Variants in ZNF804A observed in about 807,000 individuals in gnomAD.
ZNF804A encodes zinc finger protein 804A.
Under a neutral mutation model 16.5 loss-of-function variants are expected in ZNF804A, and 2 were observed. That is an observed-to-expected ratio of 0.12 (90% CI 0.05 to 0.38). ZNF804A has a LOEUF of 0.38. ZNF804A is among the 10% of genes least tolerant of loss of function. ZNF804A has a pLI of 0.99. For synonymous variants in ZNF804A, 534 were observed against 489.6 expected (o/e 1.09, Z -1.20); for missense variants, 1,473 against 1,390.7 (o/e 1.06, Z -0.94).
chr2:184,808,419 G>A (rs1694843689), intron 1 of ZNF804A, among the ~76,000 whole-genome samples: 1 of 151,568 alleles, frequency 6.6e-6, no homozygotes, highest in Non-Finnish European at 1.5e-5. Flanking sequence ...CAGAAGTGAT[G>A]TAAAATAATT....
intron 2 of ZNF804A, among the ~76,000 whole-genome samples, chr2:184,903,524 T>C (rs1558997957): frequency 6.6e-6 from 1 of 152,260 alleles, no homozygotes; most frequent in South Asian, 2.1e-4. Context: ...CACTCTATTA[T>C]GGTTGCACAG....
chr2:184,685,807 G>A (rs559717485), intron 1 of ZNF804A, among the ~76,000 whole-genome samples: 1 of 152,154 alleles, frequency 6.6e-6, no homozygotes, highest in Non-Finnish European at 1.5e-5. Context: ...GCTTAAAGGT[G>A]GTTTCACCAG....
chr2:184,716,188 A>C (rs922629), intron 1 of ZNF804A, among the ~76,000 whole-genome samples: 149,498 of 152,228 alleles, frequency 0.98, 73,457 homozygotes, highest in Non-Finnish European at 1. Context: ...GAATCATAAA[A>C]TTTGAGGAAT....
At chr2:184,728,321 T>C (rs1693450565) in intron 1 of ZNF804A, among the ~76,000 whole-genome samples, 1 of 151,886 alleles carries the variant, frequency 6.6e-6, no homozygotes, top group Admixed American at 6.6e-5. Flanking sequence ...TATGGGATGA[T>C]ACACAAAAAT....
At chr2:184,894,233 C>T (rs1163848493) in intron 2 of ZNF804A, among the ~76,000 whole-genome samples, 1 of 152,046 alleles carries the variant, frequency 6.6e-6, no homozygotes, top group Non-Finnish European at 1.5e-5. Flanking sequence ...AAGCTTTACT[C>T]GGTGAAGGGG....
chr2:184,731,086 A>G (rs2105747425), intron 1 of ZNF804A, among the ~76,000 whole-genome samples: 2 of 151,540 alleles, frequency 1.3e-5, no homozygotes, highest in South Asian at 4.2e-4. Flanking sequence ...CCCTGTCTCT[A>G]CTAAAAGTAC....
intron 2 of ZNF804A, among the ~76,000 whole-genome samples, chr2:184,894,390 T>C (rs1685033713): frequency 6.6e-6 from 1 of 152,140 alleles, no homozygotes; most frequent in Admixed American, 6.5e-5. Flanking sequence ...CTTGAATACA[T>C]ATATTTTAAT....
chr2:184,722,690 A>G (rs1264709662), intron 1 of ZNF804A, among the ~76,000 whole-genome samples: 2 of 152,024 alleles, frequency 1.3e-5, no homozygotes, highest in Non-Finnish European at 2.9e-5. Flanking sequence ...TGGTTTGTAT[A>G]CCTGTAACTT....
At chr2:184,700,340 T>C (rs1417783345) in intron 1 of ZNF804A, among the ~76,000 whole-genome samples, 1 of 152,068 alleles carries the variant, frequency 6.6e-6, no homozygotes, top group Non-Finnish European at 1.5e-5. Flanking sequence ...CCATACTGTT[T>C]ACTGAAAAAT....
At chr2:184,801,515 G>T (rs1036923834) in intron 1 of ZNF804A, among the ~76,000 whole-genome samples, 2 of 151,962 alleles carry the variant, frequency 1.3e-5, no homozygotes, top group African/African-American at 2.4e-5. Flanking sequence ...ATTTCATTTG[G>T]TAAGTGTCTA....
Position 184,600,586 on chromosome 2 carries a change from C to T in ZNF804A, c.111+1516C>T, listed in dbSNP as rs187513423. Among the ~76,000 whole-genome samples, 15 of 152,252 alleles carry T rather than the reference C, an allele frequency of 9.9e-5. No individual in the cohort carries two copies. In the East Asian group the frequency reaches 2.9e-3, roughly 29 times the overall value. On this transcript the variant is annotated intron_variant, in intron 1 of 3. Transcript: ENST00000302277. Reference sequence around the variant, plus strand: ...AAACTTTCAGTCTGAAGAAAGTACACACTGTTTTTTCAATTAAATTTAACT... The same window carrying T: ...AAACTTTCAGTCTGAAGAAAGTACATACTGTTTTTTCAATTAAATTTAACT...
At chr2:184,782,478 T>C (rs1416325467) in intron 1 of ZNF804A, among the ~76,000 whole-genome samples, 4 of 151,382 alleles carry the variant, frequency 2.6e-5, no homozygotes, top group African/African-American at 9.7e-5. Context: ...ATGAAAAGAC[T>C]AGACTAGCCT....
At chr2:184,766,882 C>T (rs1166580850) in intron 1 of ZNF804A, among the ~76,000 whole-genome samples, 1 of 151,916 alleles carries the variant, frequency 6.6e-6, no homozygotes, top group Non-Finnish European at 1.5e-5. Context: ...GTACTGCCTT[C>T]AGAGGTAGGG....
chr2:184,662,117 T>C (rs1460733414), intron 1 of ZNF804A, among the ~76,000 whole-genome samples: 1 of 152,214 alleles, frequency 6.6e-6, no homozygotes, highest in African/African-American at 2.4e-5. Context: ...TGTTAAGTAC[T>C]CTTTTTAAAT....
intron 1 of ZNF804A, among the ~76,000 whole-genome samples, chr2:184,772,899 TACATAC>T (rs1482363156): frequency 3.1e-5 from 1 of 32,508 alleles, no homozygotes; most frequent in East Asian, 9.2e-4. Context: ...TACTTTAAAA[TACATAC>T]ACACACACAC....
At chr2:184,932,002 A>C (rs1055785509) in intron 2 of ZNF804A, among the ~76,000 whole-genome samples, 1 of 152,222 alleles carries the variant, frequency 6.6e-6, no homozygotes, top group Non-Finnish European at 1.5e-5. Flanking sequence ...AACAAGAGTA[A>C]CAGAGTAACA....
intron 1 of ZNF804A, among the ~76,000 whole-genome samples, chr2:184,729,678 A>G (rs1163214111): frequency 6.6e-6 from 1 of 152,078 alleles, no homozygotes; most frequent in Non-Finnish European, 1.5e-5. Context: ...TTGAATATAG[A>G]CTGTAGAAAT....
rs1695995405 is a variant in ZNF804A at position 184,872,750 on chromosome 2, C to T, written c.255+6238C>T. On this transcript the variant is annotated intron_variant, in intron 2 of 3. Transcript: ENST00000302277. Reference sequence around the variant, plus strand: ...GTCAGTATTTTTTTGTGATAAACTTCTCAAGCTGATTCCAAAATTTTTATA... The same window carrying T: ...GTCAGTATTTTTTTGTGATAAACTTTTCAAGCTGATTCCAAAATTTTTATA... Among the ~76,000 whole-genome samples, 3 of 152,100 alleles carry T rather than the reference C, an allele frequency of 2.0e-5. No individual in the cohort carries two copies. The South Asian group carries it at 6.2e-4, about 31-fold the overall frequency.
chr2:184,846,054 A>C (rs1288808012), intron 1 of ZNF804A, among the ~76,000 whole-genome samples: 1 of 152,096 alleles, frequency 6.6e-6, no homozygotes, highest in Non-Finnish European at 1.5e-5. Flanking sequence ...TTCAGGTTTC[A>C]TAGATTTTCT....
Sources: gnomAD v4.1 joint callset for allele counts (sites outside exome capture counted in the v4.1 genomes callset) on GRCh38, gnomAD v4.1.1 for gene constraint, MANE v1.5 for transcripts, NCBI Gene and HGNC (gene_info 2026-07-23, HGNC 2026-07-21) for gene names.